Variants in IMPG1 observed in about 807,000 individuals in gnomAD.
IMPG1 encodes interphotoreceptor matrix proteoglycan 1, also known as interphotoreceptor matrix proteoglycan of 150 kDa.
A neutral mutation model predicts 92.0 loss-of-function variants in IMPG1; 85 were observed. The observed-to-expected ratio is 0.92, with a 90% confidence interval of 0.78 to 1.11. The LOEUF (loss-of-function observed/expected upper bound fraction) is 1.11, where lower values mean the gene tolerates loss of function less well. IMPG1 is among the 50% of genes least tolerant of loss of function. The pLI, the probability that IMPG1 is intolerant of heterozygous loss-of-function variation, is 0.00. For missense variants in IMPG1, 1,022 were observed against 956.0 expected, an observed-to-expected ratio of 1.07 and a Z score of -0.91; for synonymous variants, 367 against 334.1, an observed-to-expected ratio of 1.10 and a Z score of -1.08.
intron 1 of IMPG1, among the ~76,000 whole-genome samples, chr6:76,071,287 C>G (rs1261208245): frequency 6.7e-6 from 1 of 150,212 alleles, no homozygotes; most frequent in Non-Finnish European, 1.5e-5. Flanking sequence ...AAATTTAACA[C>G]AGCTGAATTG....
chr6:76,023,554 A>T (rs917891625), intron 5 of IMPG1, among the ~76,000 whole-genome samples: 6 of 152,146 alleles, frequency 3.9e-5, no homozygotes, highest in Non-Finnish European at 7.4e-5. Context: ...CTCTTCCTTC[A>T]CACCTAGGCA....
chr6:76,032,096 G>T (rs1783662376), intron 4 of IMPG1, among the ~76,000 whole-genome samples: 1 of 152,282 alleles, frequency 6.6e-6, no homozygotes, highest in African/African-American at 2.4e-5. Flanking sequence ...AAAACAAATT[G>T]GTAAACATAG....
chr6:76,068,665 C>A (rs1030886430), intron 1 of IMPG1, among the ~76,000 whole-genome samples: 1 of 151,640 alleles, frequency 6.6e-6, no homozygotes, highest in Non-Finnish European at 1.5e-5. Flanking sequence ...TATAGGCACC[C>A]ATCACCATGC....
intron 12 of IMPG1, 109 bp from the exon 13 acceptor site, chr6:75,951,203 C>A: frequency 2.6e-6 from 2 of 770,498 alleles, no homozygotes; most frequent in South Asian, 3.8e-5. Flanking sequence ...ATAGCATTTG[C>A]GTAGATCATT....
At chr6:75,932,460 C>G (rs1190863020) in intron 14 of IMPG1, among the ~76,000 whole-genome samples, 1 of 152,058 alleles carries the variant, frequency 6.6e-6, no homozygotes, top group Non-Finnish European at 1.5e-5. Flanking sequence ...CAAGGAACAC[C>G]CAAAACTTTA....
rs536764188 is a variant in IMPG1 at position 76,063,683 on chromosome 6, C to T, written c.67+8739G>A. ...TGACTGAGTTCTGCCCAGGAAATCTCAGCCCTTGTGTTTCCACATTGCCAA... is the reference window on the plus strand; with the variant it reads ...TGACTGAGTTCTGCCCAGGAAATCTTAGCCCTTGTGTTTCCACATTGCCAA... On this transcript the variant is annotated intron_variant, in intron 1 of 16. Coordinates refer to ENST00000369950, the MANE Select transcript of IMPG1 (RefSeq NM_001563.4). Among the ~76,000 whole-genome samples, 6 of 152,338 alleles carry T rather than the reference C, an allele frequency of 3.9e-5. No individual in the cohort carries two copies. The East Asian group carries it at 9.6e-4, about 24-fold the overall frequency.
chr6:76,036,743 G>T (rs1002532913), intron 2 of IMPG1, among the ~76,000 whole-genome samples: 2 of 152,160 alleles, frequency 1.3e-5, no homozygotes, highest in African/African-American at 4.8e-5. Flanking sequence ...CTGTTAAGAA[G>T]AATTTGCTCA....
At chr6:75,971,627 C>A (rs562491411) in intron 12 of IMPG1, among the ~76,000 whole-genome samples, 33 of 152,226 alleles carry the variant, frequency 2.2e-4, no homozygotes, top group African/African-American at 7.2e-4. Context: ...GAGAAATATA[C>A]TTTACAAATC....
intron 1 of IMPG1, among the ~76,000 whole-genome samples, chr6:76,067,923 T>C (rs1209671103): frequency 6.6e-6 from 1 of 151,926 alleles, no homozygotes; most frequent in Admixed American, 6.6e-5. Context: ...ATAAACAGGA[T>C]TAAAAACAAA....
chr6:75,998,657 G>T (rs1310655486), intron 12 of IMPG1, among the ~76,000 whole-genome samples: 2 of 152,148 alleles, frequency 1.3e-5, no homozygotes, highest in African/African-American at 2.4e-5. Context: ...GGACACTAAA[G>T]AACTTCTCTC....
chr6:76,003,928 G>A lies in IMPG1; in HGVS notation c.1158C>T (p.Ala386=). Residue 386 remains alanine (A), a synonymous_variant, in exon 11 of 17, where the codon GCC becomes GCT. Transcript: ENST00000369950. ...FTDEIAGSLP[A]FGPDTQSELP... is the part of the protein sequence containing the mutation. ...GCTCTGATTGGGTGTCAGGACCAAA[G>A]GCTGGCAGTGATCCAGCAATTTCTA... The A allele has an allele frequency of 6.2e-7, 1 of 1,612,814 alleles. No individual in the cohort carries two copies. The highest frequency in any genetic ancestry group is 1.1e-5 in the South Asian group (1 of 90,890).
At chr6:76,035,827 G>A (rs1783734160) in intron 2 of IMPG1, among the ~76,000 whole-genome samples, 1 of 152,142 alleles carries the variant, frequency 6.6e-6, no homozygotes, top group Non-Finnish European at 1.5e-5. Context: ...GGAGCAATTT[G>A]CAGTAACAAT....
chr6:76,017,216 A>T (rs1783306144), intron 7 of IMPG1, among the ~76,000 whole-genome samples: 1 of 151,170 alleles, frequency 6.6e-6, no homozygotes, highest in Admixed American at 6.6e-5. Flanking sequence ...AAAAAGGCAG[A>T]GATCTTATTA....
chr6:76,002,821 G>A (rs775378018), intron 12 of IMPG1, 97 bp downstream of exon 12: 7 of 923,496 alleles, frequency 7.6e-6, no homozygotes, highest in East Asian at 2.5e-5. Context: ...TCCTGGGTTC[G>A]GGATGGCTTT....
intron 12 of IMPG1, among the ~76,000 whole-genome samples, chr6:75,983,342 T>G (rs1782660229): frequency 6.6e-6 from 1 of 152,062 alleles, no homozygotes; most frequent in Non-Finnish European, 1.5e-5. Flanking sequence ...TGTGCTATAG[T>G]AATCAAAATA....
In IMPG1 at chr6:76,059,680, C is replaced by A. The variant is rs114402704; in HGVS notation, c.67+12742G>T. On this transcript the variant is annotated intron_variant, in intron 1 of 16. Transcript: ENST00000369950. ...CAACTGGATACAGGTCACATCCCAACTTTGGTTCTAACCCTCTCACCTCAA... is the reference window on the plus strand; with the variant it reads ...CAACTGGATACAGGTCACATCCCAAATTTGGTTCTAACCCTCTCACCTCAA... Among the ~76,000 whole-genome samples, 1,221 of 152,296 alleles carry A rather than the reference C, an allele frequency of 8.0e-3. 11 individuals carry two copies. The highest frequency in any genetic ancestry group is 0.028 in the African/African-American group (1,150 of 41,582).
chr6:75,933,258 G>A (rs576086203), intron 14 of IMPG1, among the ~76,000 whole-genome samples: 2 of 152,186 alleles, frequency 1.3e-5, no homozygotes, highest in African/African-American at 2.4e-5. Context: ...TTGTGTTTGG[G>A]TCTGAGGAAG....
At chr6:76,054,913 T>A (rs1280574683) in intron 1 of IMPG1, among the ~76,000 whole-genome samples, 2 of 152,254 alleles carry the variant, frequency 1.3e-5, no homozygotes, top group Non-Finnish European at 1.5e-5. Flanking sequence ...ATGCACTTAA[T>A]AATATATAAA....
intron 12 of IMPG1, among the ~76,000 whole-genome samples, chr6:75,959,056 G>GT (rs1782173249): frequency 6.6e-6 from 1 of 152,106 alleles, no homozygotes; most frequent in African/African-American, 2.4e-5. Flanking sequence ...TTCAGATGGG[G>GT]TTTTTGTGTG....
Sources: gnomAD v4.1 joint callset for allele counts (sites outside exome capture counted in the v4.1 genomes callset) on GRCh38, gnomAD v4.1.1 for gene constraint, MANE v1.5 for transcripts, NCBI Gene and HGNC (gene_info 2026-07-23, HGNC 2026-07-21) for gene names.